HTT: variants seen among roughly 807,000 people sequenced by gnomAD.
HTT encodes the protein huntingtin, also known as huntington disease protein.
HTT carries 104 observed loss-of-function variants against 362.3 expected under a neutral mutation model. The ratio of observed to expected loss-of-function variants is 0.29; its 90% CI spans 0.24 to 0.34. HTT has a LOEUF of 0.34. HTT is among the 10% of genes least tolerant of loss of function. HTT has a pLI of 1.00. For missense variants in HTT, 3,301 were observed against 3,928.6 expected, an observed-to-expected ratio of 0.84 and a Z score of 4.27; for synonymous variants, 1,577 against 1,548.7, an observed-to-expected ratio of 1.02 and a Z score of -0.43.
At chr4:3,106,813 C>T (rs887991539) in intron 5 of HTT, among the ~76,000 whole-genome samples, 1 of 152,170 alleles carries the variant, frequency 6.6e-6, no homozygotes, top group African/African-American at 2.4e-5. Flanking sequence ...CCTGGCACCT[C>T]GCACCCGGCC....
chr4:3,208,787 A>G lies in HTT; in HGVS notation c.6167A>G (p.Tyr2056Cys), dbSNP rs1225815140. 1.4e-5 allele frequency: 23 copies of G among 1,612,332 alleles called. No homozygotes were observed. The highest frequency in any genetic ancestry group is 1.7e-4 in the Middle Eastern group (1 of 6,058). Residue 2056 changes from tyrosine to cysteine, a missense_variant, in exon 46 of 67, where the codon TAT (tyrosine) becomes TGT (cysteine). Coordinates refer to ENST00000355072, the MANE Select transcript of HTT (RefSeq NM_001388492.1). The part of the protein sequence containing the change: ...SGLAQRHQRL[Y>C]SLLDRFRLST... ...TTGTATTTTAGACACCAAAGGCTCTATTCCCTGCTGGACAGGTTTCGTCTC... is the reference window on the plus strand; with the variant it reads ...TTGTATTTTAGACACCAAAGGCTCTGTTCCCTGCTGGACAGGTTTCGTCTC...
chr4:3,232,947 CA>C (rs1449960801), intron 60 of HTT, among the ~76,000 whole-genome samples: 1 of 152,266 alleles, frequency 6.6e-6, no homozygotes, highest in Non-Finnish European at 1.5e-5. Flanking sequence ...AGCAGCTGAG[CA>C]CAGGGAGCCC....
intron 6 of HTT, among the ~76,000 whole-genome samples, chr4:3,110,057 C>T (rs1415365333): frequency 6.6e-6 from 1 of 152,196 alleles, no homozygotes; most frequent in Non-Finnish European, 1.5e-5. Flanking sequence ...GCTTTCATCA[C>T]CATGTCGTGT....
chr4:3,154,758 G>C (rs1213716354), intron 27 of HTT, among the ~76,000 whole-genome samples: 1 of 152,214 alleles, frequency 6.6e-6, no homozygotes, highest in Non-Finnish European at 1.5e-5. Context: ...AAGTGGTGTA[G>C]ATGCTTAGGA....
intron 27 of HTT, among the ~76,000 whole-genome samples, chr4:3,156,680 T>C (rs1236183555): frequency 1.3e-5 from 2 of 152,214 alleles, no homozygotes; most frequent in East Asian, 1.9e-4. Flanking sequence ...TAAAACATTT[T>C]TACATCATCC....
At chr4:3,087,897 C>T (rs1008310624) in intron 2 of HTT, among the ~76,000 whole-genome samples, 1 of 152,092 alleles carries the variant, frequency 6.6e-6, no homozygotes, top group African/African-American at 2.4e-5. Context: ...GTTGCCCAGG[C>T]TGGAGTGCAA....
intron 40 of HTT, among the ~76,000 whole-genome samples, chr4:3,191,303 A>T (rs1256008683): frequency 6.6e-6 from 1 of 151,850 alleles, no homozygotes; most frequent in East Asian, 1.9e-4. Flanking sequence ...CCTCCCGAGT[A>T]GCTGGGATTA....
chr4:3,101,753 G>A (rs997695648), intron 3 of HTT, among the ~76,000 whole-genome samples: 3 of 152,212 alleles, frequency 2.0e-5, no homozygotes, highest in Non-Finnish European at 4.4e-5. Context: ...GGTGAAGCAC[G>A]TGTGTCCAGC....
chr4:3,222,579 T>G, intron 54 of HTT, 92 bp downstream of exon 54: 3 of 886,216 alleles, frequency 3.4e-6, no homozygotes, highest in South Asian at 1.5e-5. Context: ...CAAGCTGGTG[T>G]TCTTTTTTTC....
intron 24 of HTT, 37 bp downstream of exon 24, chr4:3,145,265 A>T (rs1716544771): frequency 1.5e-6 from 2 of 1,317,812 alleles, no homozygotes; most frequent in African/African-American, 2.9e-5. Context: ...ATAGTTGTCT[A>T]CAACAGTATG....
chr4:3,190,939 A>T (rs1447935182), intron 40 of HTT, among the ~76,000 whole-genome samples: 1 of 152,208 alleles, frequency 6.6e-6, no homozygotes, highest in East Asian at 1.9e-4. Flanking sequence ...GTAACAGCAA[A>T]CAGCATTAAG....
intron 41 of HTT, among the ~76,000 whole-genome samples, chr4:3,202,482 G>A (rs887667092): frequency 2.0e-5 from 3 of 152,142 alleles, no homozygotes; most frequent in Admixed American, 6.6e-5. Context: ...CTGAGAAAGG[G>A]CACGTTTCCT....
intron 2 of HTT, among the ~76,000 whole-genome samples, chr4:3,088,946 AATAAAAAT>A (rs1713357215): frequency 6.6e-6 from 1 of 152,256 alleles, no homozygotes; most frequent in Non-Finnish European, 1.5e-5. Flanking sequence ...ATGTCCTGAA[AATAAAAAT>A]ATAAAAATTC....
chr4:3,176,874 G>A (rs576660803), intron 33 of HTT, among the ~76,000 whole-genome samples: 1 of 152,362 alleles, frequency 6.6e-6, no homozygotes, highest in Admixed American at 6.5e-5. Flanking sequence ...GTCAGGTTGG[G>A]AAAGCTGACA....
chr4:3,206,433 G>A lies in HTT; in HGVS notation c.5719-63G>A. 7.6e-7 allele frequency: 1 copy of A among 1,307,686 alleles called. No individual in the cohort carries two copies. Among genetic ancestry groups the A allele is most frequent in the Non-Finnish European group, 1.1e-6 (1 of 907,268 alleles). 81.0% of individuals were successfully genotyped at this position (1,307,686 alleles called of 1,614,324 possible). On this transcript the variant is annotated intron_variant, in intron 42 of 66. Coordinates refer to ENST00000355072, the MANE Select transcript of HTT (RefSeq NM_001388492.1). This position sits in a 1 kb window ranked among gnomAD's most constrained non-coding sequence, Gnocchi z 4.6. ...TCTTACCCTTTCTGGCCTTTCTATG[G>A]CATTAATACCTGGTCTCTTCTTGTG...
At chr4:3,231,648 G>C (rs1472295934) in intron 60 of HTT, among the ~76,000 whole-genome samples, 1 of 129,954 alleles carries the variant, frequency 7.7e-6, no homozygotes, top group Admixed American at 7.3e-5. Context: ...CTCAGCAGCC[G>C]TCCAGGGAGT....
At chr4:3,229,092 C>A in intron 59 of HTT, 83 bp downstream of exon 59, 1 of 1,376,374 alleles carries the variant, frequency 7.3e-7, no homozygotes, top group Non-Finnish European at 1.0e-6. Flanking sequence ...CACACACCGC[C>A]CACACACATG....
chr4:3,139,442 CCT>C (rs1716233308), intron 21 of HTT, among the ~76,000 whole-genome samples: 1 of 152,172 alleles, frequency 6.6e-6, no homozygotes, highest in Admixed American at 6.5e-5. Context: ...AAGCGGTCCC[CCT>C]GTCTCGGCCT....
At chr4:3,123,411 T>C (rs936517435) in intron 10 of HTT, 1 of 153,284 alleles carries the variant, frequency 6.5e-6, no homozygotes, top group African/African-American at 2.4e-5. Flanking sequence ...TGTGTTGTTA[T>C]ATTTTGTGAG....
Sources: gnomAD v4.1 joint callset for allele counts (sites outside exome capture counted in the v4.1 genomes callset) on GRCh38, gnomAD v4.1.1 for gene constraint, Gnocchi (gnomAD v3.1) non-coding constraint, MANE v1.5 for transcripts, NCBI Gene and HGNC (gene_info 2026-07-23, HGNC 2026-07-21) for gene names.